FHIP2A: variants seen among roughly 807,000 people sequenced by gnomAD.
FHIP2A encodes the protein family with sequence similarity 160 member B1.
FHIP2A carries 46 observed loss-of-function variants against 93.5 expected under a neutral mutation model. The ratio of observed to expected loss-of-function variants is 0.49; its 90% CI spans 0.39 to 0.63. The LOEUF (loss-of-function observed/expected upper bound fraction) is 0.63, where lower values mean the gene tolerates loss of function less well. Among genes scored for constraint, FHIP2A ranks in the 20% least tolerant of loss-of-function variants. The pLI is 0.00. For missense variants in FHIP2A, 769 were observed against 909.7 expected (o/e 0.85, Z 1.99); for synonymous variants, 332 against 326.5 (o/e 1.02, Z -0.18).
Position 114,838,718 on chromosome 10 carries a change from A to G in FHIP2A, c.522+2472A>G, listed in dbSNP as rs957865841. ...ATAGCATAGATCAGAAGCAGACGAA[A>G]TATGTAGGCTTATGTATGTTCATGG... On this transcript the variant is annotated intron_variant, in intron 5 of 16. Transcript: ENST00000369248. Among the ~76,000 whole-genome samples, 4 of 152,174 alleles carry G rather than the reference A, an allele frequency of 2.6e-5. No individual in the cohort carries two copies. The East Asian group carries it at 7.7e-4, about 29-fold the overall frequency.
At chr10:114,836,061 T>G in intron 4 of FHIP2A, 63 bp from the exon 5 acceptor site, 1 of 1,316,832 alleles carries the variant, frequency 7.6e-7, no homozygotes, top group Non-Finnish European at 1.1e-6. Context: ...AAATGAATGG[T>G]TATTTTACAA....
At chr10:114,867,892 TG>T (rs1272411174), downstream of FHIP2A, among the ~76,000 whole-genome samples, 1 of 152,072 alleles carries the variant, frequency 6.6e-6, no homozygotes, top group African/African-American at 2.4e-5. Flanking sequence ...AGGAATTACC[TG>T]ATTTCCCAAG....
At chr10:114,841,961 A>G (rs1592017916) in intron 5 of FHIP2A, among the ~76,000 whole-genome samples, 1 of 152,196 alleles carries the variant, frequency 6.6e-6, no homozygotes, top group South Asian at 2.1e-4. Flanking sequence ...GTGTTTTGGT[A>G]TGTGGATTGG....
chr10:114,871,208 A>G (rs2083858424), intron 16 of FHIP2A, among the ~76,000 whole-genome samples: 1 of 151,850 alleles, frequency 6.6e-6, no homozygotes, highest in Admixed American at 6.6e-5. Context: ...GCTGGAGTGC[A>G]GTGGAACGAT....
chr10:114,878,016 T>C (rs1162647829), intron 16 of FHIP2A, among the ~76,000 whole-genome samples: 1 of 152,054 alleles, frequency 6.6e-6, no homozygotes, highest in East Asian at 1.9e-4. Context: ...ATATATAGAC[T>C]TCTCTTTAAC....
At chr10:114,894,329 CA>C (rs1016445305) in intron 16 of FHIP2A, among the ~76,000 whole-genome samples, 3 of 144,332 alleles carry the variant, frequency 2.1e-5, no homozygotes, top group Non-Finnish European at 3.0e-5. Context: ...GAGGCTGAGG[CA>C]GGTGGATTGC....
Position 114,875,910 on chromosome 10 carries a change from G to GAA in FHIP2A, c.2192+14577_2192+14578insAA, listed in dbSNP as rs1555247145. 4.3e-4 allele frequency among the ~76,000 whole-genome samples: 32 copies of GAA among 74,810 alleles called. 2 individuals are homozygous for GAA. Among genetic ancestry groups the GAA allele is most frequent in the East Asian group, 2.1e-3 (8 of 3,818 alleles). The allele number at this position is 74,810 out of a possible 152,430, so 49.1% of individuals were successfully genotyped here. A position where few individuals can be genotyped will look rare whatever the true frequency, so the allele number is the denominator to read the frequency against. On this transcript the variant is annotated intron_variant, in intron 16 of 16. Coordinates refer to the FHIP2A transcript ENST00000369250. ...AAAGAGAGAGAAAGAAATAAAGAAA[G>GAA]AGAAAGAAAGAAAGAAAGAAAGAGA...
In FHIP2A at chr10:114,836,148, G is replaced by C. The variant is rs753303555; in HGVS notation, c.424G>C (p.Val142Leu). ...VQKLIRLCGE[V>L]LATPTENEEI... ...GAAATTAATTAGACTCTGTGGTGAA[G>C]TCCTAGCAACACCAACAGAAAATGA... Residue 142 changes from valine to leucine, a missense_variant, in exon 5 of 17, where the codon GTC becomes CTC. Coordinates refer to ENST00000369248, the MANE Select transcript of FHIP2A (RefSeq NM_020940.4). The C allele has an allele frequency of 6.2e-7, 1 of 1,600,470 alleles. No homozygotes were observed. Among genetic ancestry groups the C allele is most frequent in the South Asian group, 1.1e-5 (1 of 89,410 alleles).
chr10:114,871,251 C>G (rs1465251796), intron 16 of FHIP2A, among the ~76,000 whole-genome samples: 7 of 151,972 alleles, frequency 4.6e-5, no homozygotes. Context: ...CTCCTGGGCT[C>G]AAGCAATCTT....
At chr10:114,879,377 A>C (rs988736735) in intron 16 of FHIP2A, among the ~76,000 whole-genome samples, 1 of 150,342 alleles carries the variant, frequency 6.7e-6, no homozygotes, top group Non-Finnish European at 1.5e-5. Context: ...TAAGCTCCAA[A>C]ATTAAGTTAG....
At chr10:114,868,151 G>T (rs1966384), downstream of FHIP2A, among the ~76,000 whole-genome samples, 48,172 of 151,734 alleles carry the variant, frequency 0.32, 8,201 homozygotes, top group Non-Finnish European at 0.38. Flanking sequence ...GATTTTATAT[G>T]ATGACCTTCC....
Position 114,827,072 on chromosome 10 carries a change from C to G in FHIP2A, c.46-3780C>G, listed in dbSNP as rs944894713. Among the ~76,000 whole-genome samples, 3 of 152,256 alleles carry G rather than the reference C, an allele frequency of 2.0e-5. No individual in the cohort carries two copies. In the East Asian group the frequency reaches 5.8e-4, roughly 29 times the overall value. ...AAAAGCAGAGGTGGCTTTTAGAACACTAGTTTTCATCTGAATTATCCATCT... is the reference window on the plus strand; with the variant it reads ...AAAAGCAGAGGTGGCTTTTAGAACAGTAGTTTTCATCTGAATTATCCATCT... On this transcript the variant is annotated intron_variant, in intron 1 of 16. Coordinates refer to ENST00000369248, the MANE Select transcript of FHIP2A (RefSeq NM_020940.4).
At chr10:114,874,260 C>G (rs1372437308) in intron 16 of FHIP2A, among the ~76,000 whole-genome samples, 3 of 135,350 alleles carry the variant, frequency 2.2e-5, no homozygotes, top group Non-Finnish European at 5.2e-5. Context: ...TACTTTAGAT[C>G]TTTAATTTTT....
intron 16 of FHIP2A, among the ~76,000 whole-genome samples, chr10:114,897,817 G>T (rs2084008277): frequency 6.6e-6 from 1 of 152,212 alleles, no homozygotes; most frequent in African/African-American, 2.4e-5. Flanking sequence ...GCTGAGGTGG[G>T]AGGATTGATT....
chr10:114,825,286 A>G (rs543351447), intron 1 of FHIP2A, among the ~76,000 whole-genome samples: 3 of 152,298 alleles, frequency 2.0e-5, no homozygotes, highest in Admixed American at 6.5e-5. Context: ...TCCATCTCCT[A>G]AAGTGCCAGG....
intron 2 of FHIP2A, among the ~76,000 whole-genome samples, chr10:114,832,771 G>C (rs1181158924): frequency 1.3e-5 from 2 of 149,096 alleles, no homozygotes; most frequent in Non-Finnish European, 3.0e-5. Flanking sequence ...ACGTTCAGTG[G>C]TGCGATCTCT....
Position 114,863,452 on chromosome 10 carries a change from T to C in FHIP2A, c.*1912T>C, listed in dbSNP as rs1441622047. 9.0e-7 allele frequency: 1 copy of C among 1,107,598 alleles called. No homozygotes were observed. Among genetic ancestry groups the C allele is most frequent in the Non-Finnish European group, 1.1e-6 (1 of 901,764 alleles). 68.6% of individuals were successfully genotyped at this position (1,107,598 alleles called of 1,614,324 possible). A position where few individuals can be genotyped will look rare whatever the true frequency, so the allele number is the denominator to read the frequency against. On this transcript the variant is annotated 3_prime_UTR_variant, in exon 17 of 17. Transcript: ENST00000369248. ...TACTCTTTTATCCTTGATTCCACTA[T>C]GGGACCTTATAACTAGTCCATGAAA...
intron 5 of FHIP2A, among the ~76,000 whole-genome samples, chr10:114,839,489 C>T (rs2083655668): frequency 6.6e-6 from 1 of 152,152 alleles, no homozygotes; most frequent in African/African-American, 2.4e-5. Context: ...AGTTCTCAAG[C>T]ATGTATTCCC....
Position 114,881,066 on chromosome 10 carries a change from G to T in FHIP2A, c.2193-18424G>T, listed in dbSNP as rs11196960. Among the ~76,000 whole-genome samples the T allele has an allele frequency of 7.9e-5, 12 of 152,234 alleles. 1 individual carries two copies. The East Asian group carries it at 2.3e-3, about 29-fold the overall frequency. On this transcript the variant is annotated intron_variant, in intron 16 of 16. Coordinates refer to the FHIP2A transcript ENST00000369250. Reference sequence around the variant, plus strand: ...CTGACCTGCTGGGCCTTTCTTATTCGCTGGATGAATCTGGGACTTCAAACA... The same window carrying T: ...CTGACCTGCTGGGCCTTTCTTATTCTCTGGATGAATCTGGGACTTCAAACA...
Sources: gnomAD v4.1 joint callset for allele counts (sites outside exome capture counted in the v4.1 genomes callset) on GRCh38, gnomAD v4.1.1 for gene constraint, MANE v1.5 for transcripts, NCBI Gene and HGNC (gene_info 2026-07-23, HGNC 2026-07-21) for gene names.